Variants in TMEM132D observed in about 807,000 individuals in gnomAD.
TMEM132D encodes transmembrane protein 132D, also known as mature OL transmembrane protein.
In TMEM132D, 21 loss-of-function variants were observed where a neutral mutation model predicts 62.3. The observed-to-expected ratio is 0.34, with a 90% CI of 0.24 to 0.49. The LOEUF (loss-of-function observed/expected upper bound fraction) is 0.49. Ranked by LOEUF, TMEM132D falls within the 20% of genes least tolerant of loss-of-function variation. TMEM132D has a pLI of 0.99. For synonymous variants in TMEM132D, 621 were observed against 575.6 expected, an observed-to-expected ratio of 1.08 and a Z score of -1.13; for missense variants, 1,346 against 1,402.8, an observed-to-expected ratio of 0.96 and a Z score of 0.65.
At chr12:129,311,090 C>A (rs1023663433) in intron 4 of TMEM132D, among the ~76,000 whole-genome samples, 2 of 130,330 alleles carry the variant, frequency 1.5e-5, no homozygotes, top group Non-Finnish European at 3.1e-5. Context: ...CCCAGCTACT[C>A]GGGAGGCTGA....
At chr12:129,116,408 G>C (rs1048017515) in intron 5 of TMEM132D, among the ~76,000 whole-genome samples, 1 of 152,116 alleles carries the variant, frequency 6.6e-6, no homozygotes, top group Non-Finnish European at 1.5e-5. Context: ...GAGAATGATA[G>C]TAATAAAAGC....
chr12:129,581,661 A>G (rs1877867273), intron 2 of TMEM132D, among the ~76,000 whole-genome samples: 2 of 152,212 alleles, frequency 1.3e-5, no homozygotes, highest in Admixed American at 1.3e-4. Context: ...ACCTTCTTCC[A>G]TCTGCTTTAT....
chr12:129,605,171 G>C (rs943534733), intron 2 of TMEM132D, among the ~76,000 whole-genome samples: 2 of 151,906 alleles, frequency 1.3e-5, no homozygotes, highest in Admixed American at 6.6e-5. Flanking sequence ...GTATTTTGTA[G>C]TTTGTGTTCT....
At chr12:129,356,658 AAATAAATAAATAAATAAATAAAT>A (rs1870061828) in intron 3 of TMEM132D, among the ~76,000 whole-genome samples, 1 of 143,910 alleles carries the variant, frequency 6.9e-6, no homozygotes, top group Admixed American at 7.0e-5. Context: ...TCTCTACAAT[AAATAAATAAATAAATAAATAAAT>A]AAATAAATAA....
intron 2 of TMEM132D, among the ~76,000 whole-genome samples, chr12:129,604,232 C>T (rs540239291): frequency 1.4e-4 from 22 of 152,030 alleles, no homozygotes; most frequent in Non-Finnish European, 2.8e-4. Context: ...GGCTTAAAAC[C>T]CAGATGATGG....
intron 2 of TMEM132D, among the ~76,000 whole-genome samples, chr12:129,593,349 G>C (rs1410839300): frequency 6.6e-6 from 1 of 152,156 alleles, no homozygotes; most frequent in African/African-American, 2.4e-5. Flanking sequence ...AAAATGTGAT[G>C]TGATTCCAGA....
intron 4 of TMEM132D, among the ~76,000 whole-genome samples, chr12:129,218,929 C>G (rs1879281942): frequency 6.6e-6 from 1 of 152,168 alleles, no homozygotes. Context: ...ACTCGATTTA[C>G]AGAGGGAGGA....
intron 5 of TMEM132D, among the ~76,000 whole-genome samples, chr12:129,141,733 A>C (rs1388339696): frequency 1.3e-5 from 2 of 152,128 alleles, no homozygotes; most frequent in African/African-American, 4.8e-5. Flanking sequence ...ATGGACACAA[A>C]GTTAGAAATG....
chr12:129,384,447 A>T (rs539511279), intron 3 of TMEM132D, among the ~76,000 whole-genome samples: 23 of 152,298 alleles, frequency 1.5e-4, no homozygotes, highest in African/African-American at 4.3e-4. Context: ...GACAAAAATT[A>T]AAAAAAGTCT....
rs544046345 is a variant in TMEM132D at position 129,078,002 on chromosome 12, T to C, written c.2115+532A>G. Among the ~76,000 whole-genome samples, 326 of 152,132 alleles carry C rather than the reference T, an allele frequency of 2.1e-3. 2 individuals carry two copies. Among genetic ancestry groups the C allele is most frequent in the African/African-American group, 7.5e-3 (311 of 41,506 alleles). ...TGGTTCCAAATAAAGTAAAAGAAAA[T>C]TGTGACTGACATCTCCATGAATTCT... On this transcript the variant is annotated intron_variant, in intron 8 of 8. Transcript: ENST00000422113.
In TMEM132D at chr12:129,450,057, G is replaced by C. The variant is rs147290604; in HGVS notation, c.1115+81002C>G. Among the ~76,000 whole-genome samples, 1,215 of 152,148 alleles carry C rather than the reference G, an allele frequency of 8.0e-3. 11 individuals are homozygous for C. The highest frequency in any genetic ancestry group is 0.026 in the African/African-American group (1,088 of 41,496). On this transcript the variant is annotated intron_variant, in intron 3 of 8. Transcript: ENST00000422113. ...CTTTTCATGTCCTTTGCCCACTTCT[G>C]CACGGGTTTTTTTCTCGTAAATTTA... is the stretch of plus-strand genomic sequence containing the variant.
At chr12:129,636,256 G>A (rs1271323495) in intron 2 of TMEM132D, among the ~76,000 whole-genome samples, 1 of 152,194 alleles carries the variant, frequency 6.6e-6, no homozygotes, top group African/African-American at 2.4e-5. Context: ...TTCCCCACAA[G>A]AGACAGATTT....
intron 4 of TMEM132D, among the ~76,000 whole-genome samples, chr12:129,241,227 C>A (rs774147571): frequency 6.7e-6 from 1 of 150,280 alleles, no homozygotes; most frequent in Non-Finnish European, 1.5e-5. Flanking sequence ...AAGAGACAAT[C>A]CATAGAATGG....
intron 4 of TMEM132D, among the ~76,000 whole-genome samples, chr12:129,326,332 C>T (rs1046776633): frequency 1.3e-4 from 20 of 152,164 alleles, no homozygotes; most frequent in African/African-American, 4.8e-4. Context: ...GGAACTCAGG[C>T]CTGGATAAGC....
chr12:129,825,858 G>A (rs1383312495), intron 1 of TMEM132D, among the ~76,000 whole-genome samples: 1 of 152,114 alleles, frequency 6.6e-6, no homozygotes, highest in Non-Finnish European at 1.5e-5. Flanking sequence ...GAGCCCAGGA[G>A]TTCAAGACCA....
intron 1 of TMEM132D, among the ~76,000 whole-genome samples, chr12:129,702,921 T>A (rs556448175): frequency 6.6e-6 from 1 of 152,236 alleles, no homozygotes; most frequent in African/African-American, 2.4e-5. Context: ...GTAATCGGAA[T>A]CCTGGATCCT....
chr12:129,357,153 A>G (rs1273924820), intron 3 of TMEM132D, among the ~76,000 whole-genome samples: 1 of 148,940 alleles, frequency 6.7e-6, no homozygotes, highest in Non-Finnish European at 1.5e-5. Flanking sequence ...AGGCTGAGGC[A>G]GGAGAATGGC....
At chr12:129,882,941 G>A (rs1160011382) in intron 1 of TMEM132D, among the ~76,000 whole-genome samples, 3 of 152,154 alleles carry the variant, frequency 2.0e-5, no homozygotes, top group Admixed American at 2.0e-4. Flanking sequence ...TGTAAAATGT[G>A]ATGTCTTTCC....
chr12:129,663,139 T>C (rs555683442), intron 2 of TMEM132D, among the ~76,000 whole-genome samples: 2 of 139,028 alleles, frequency 1.4e-5, no homozygotes, highest in South Asian at 2.2e-4. Flanking sequence ...ACGTCTGCCC[T>C]TTTTTTTTTT....
Sources: allele counts gnomAD v4.1 joint callset (sites outside exome capture counted in the v4.1 genomes callset), GRCh38; gene constraint gnomAD v4.1.1; transcripts MANE v1.5; gene names NCBI Gene and HGNC (gene_info 2026-07-23, HGNC 2026-07-21).